Variants in ARHGAP25 observed in about 807,000 individuals in gnomAD.
ARHGAP25 encodes the protein rho GTPase-activating protein 25.
In ARHGAP25, 34 loss-of-function variants were observed where a neutral mutation model predicts 71.0. The observed-to-expected ratio is 0.48, with a 90% confidence interval of 0.36 to 0.64. ARHGAP25 has a LOEUF of 0.64. Among genes scored for constraint, ARHGAP25 ranks in the 30% least tolerant of loss-of-function variants. ARHGAP25 has a pLI of 0.00. For synonymous variants in ARHGAP25, 282 were observed against 296.5 expected (o/e 0.95, Z 0.50); for missense variants, 706 against 805.1 (o/e 0.88, Z 1.49).
In ARHGAP25 at chr2:68,790,474, G is replaced by T. The variant is rs111951689; in HGVS notation, c.466+2518G>T. Among the ~76,000 whole-genome samples the T allele has an allele frequency of 7.3e-3, 1,116 of 152,334 alleles. 6 individuals carry two copies. Among genetic ancestry groups the T allele is most frequent in the Admixed American group, 0.011 (169 of 15,304 alleles). Reference sequence around the variant, plus strand: ...GTGGGCCCAGGAGGTGAGGGGCAGGGCCAGGGCTCTTTTGCCACAGCACAT... The same window carrying T: ...GTGGGCCCAGGAGGTGAGGGGCAGGTCCAGGGCTCTTTTGCCACAGCACAT... On this transcript the variant is annotated intron_variant, in intron 4 of 10. Coordinates refer to ENST00000409202, the MANE Select transcript of ARHGAP25 (RefSeq NM_001007231.3).
intron 1 of ARHGAP25, among the ~76,000 whole-genome samples, chr2:68,743,574 A>G (rs1036062071): frequency 6.6e-6 from 1 of 152,180 alleles, no homozygotes; most frequent in Non-Finnish European, 1.5e-5. Context: ...GTCATTCAGA[A>G]GCCAGAAATC....
chr2:68,736,610 A>AT (rs990609260), intron 1 of ARHGAP25, among the ~76,000 whole-genome samples: 4 of 152,152 alleles, frequency 2.6e-5, no homozygotes, highest in Admixed American at 1.3e-4. Context: ...TAGTTAAATG[A>AT]TTTTTTTCAC....
intron 1 of ARHGAP25, among the ~76,000 whole-genome samples, chr2:68,743,158 ACT>A (rs1675606711): frequency 6.6e-6 from 1 of 151,884 alleles, no homozygotes. Flanking sequence ...GCAAAGAGTG[ACT>A]CTGGGTTGTT....
At chr2:68,788,749 T>A (rs1007947628) in intron 4 of ARHGAP25, among the ~76,000 whole-genome samples, 2 of 152,228 alleles carry the variant, frequency 1.3e-5, no homozygotes, top group Non-Finnish European at 2.9e-5. Context: ...CACGCCTACT[T>A]GTGTCAACTC....
intron 5 of ARHGAP25, among the ~76,000 whole-genome samples, chr2:68,808,194 C>T (rs1333825746): frequency 1.3e-5 from 2 of 152,168 alleles, no homozygotes; most frequent in Non-Finnish European, 2.9e-5. Flanking sequence ...TGTGCAATCT[C>T]CACCCCAGTT....
intron 1 of ARHGAP25, among the ~76,000 whole-genome samples, chr2:68,747,378 A>G (rs983878288): frequency 1.3e-5 from 2 of 152,102 alleles, no homozygotes; most frequent in African/African-American, 4.8e-5. Context: ...TTGATCAAAA[A>G]TTATTAAGAA....
chr2:68,724,361 A>G (rs1291611915), intron 2 of ARHGAP25, among the ~76,000 whole-genome samples: 8 of 152,092 alleles, frequency 5.3e-5, no homozygotes, highest in African/African-American at 1.9e-4. Flanking sequence ...ACCTAAATCT[A>G]TAATGTTTAT....
At chr2:68,717,836 A>C (rs185895238) in intron 2 of ARHGAP25, among the ~76,000 whole-genome samples, 34 of 152,264 alleles carry the variant, frequency 2.2e-4, no homozygotes, top group African/African-American at 7.9e-4. Flanking sequence ...GAATTGACAT[A>C]TTTTTGCCAA....
chr2:68,771,459 A>G (rs1167158817), intron 1 of ARHGAP25, among the ~76,000 whole-genome samples: 1 of 152,224 alleles, frequency 6.6e-6, no homozygotes, highest in African/African-American at 2.4e-5. Flanking sequence ...TGTTTACTTT[A>G]TCCGGAACAA....
At chr2:68,731,236 C>T (rs956365736), upstream of ARHGAP25, among the ~76,000 whole-genome samples, 7 of 152,032 alleles carry the variant, frequency 4.6e-5, no homozygotes, top group Non-Finnish European at 7.4e-5. Flanking sequence ...TCTCCTTGTT[C>T]CTCATTACCA....
At chr2:68,737,967 C>A (rs540883111) in intron 1 of ARHGAP25, among the ~76,000 whole-genome samples, 3 of 152,272 alleles carry the variant, frequency 2.0e-5, no homozygotes, top group Admixed American at 2.0e-4. Flanking sequence ...ATGGCAGACT[C>A]ACCTGAGTCC....
At position 68,815,544 on chromosome 2, in the gene ARHGAP25, G is replaced by T. The variant is rs112830420; in HGVS notation, c.808-745G>T. Among the ~76,000 whole-genome samples, 836 of 143,480 alleles carry T rather than the reference G, an allele frequency of 5.8e-3. 8 individuals carry two copies. Among genetic ancestry groups the T allele is most frequent in the African/African-American group, 0.02 (782 of 38,880 alleles). The allele number at this position is 143,480 out of a possible 152,430, so 94.1% of individuals were successfully genotyped here. A position where few individuals can be genotyped will look rare whatever the true frequency, so the allele number is the denominator to read the frequency against. ...CAGCTCACTGCAATCTCCGCCTTCC[G>T]GTTTCAAGCGATTCTTCTGCCTCAG... On this transcript the variant is annotated intron_variant, in intron 6 of 10. Coordinates refer to ENST00000409202, the MANE Select transcript of ARHGAP25 (RefSeq NM_001007231.3).
chr2:68,824,698 T>TGC (rs1681978423), intron 10 of ARHGAP25, among the ~76,000 whole-genome samples: 4 of 151,694 alleles, frequency 2.6e-5, no homozygotes, highest in East Asian at 1.9e-4. Flanking sequence ...GCCGAGATCA[T>TGC]GCCACTGCAC....
intron 2 of ARHGAP25, among the ~76,000 whole-genome samples, chr2:68,780,475 T>C (rs762254435): frequency 6.6e-6 from 1 of 152,216 alleles, no homozygotes; most frequent in Non-Finnish European, 1.5e-5. Context: ...ATGGATGTGA[T>C]TTATTAAAGA....
intron 4 of ARHGAP25, among the ~76,000 whole-genome samples, chr2:68,788,236 T>C (rs1213214060): frequency 6.6e-6 from 1 of 152,210 alleles, no homozygotes; most frequent in Non-Finnish European, 1.5e-5. Context: ...GTGTATGATA[T>C]CTGGAAGTAG....
chr2:68,818,075 G>T, intron 8 of ARHGAP25, 81 bp downstream of exon 8: 1 of 1,554,360 alleles, frequency 6.4e-7, no homozygotes, highest in Non-Finnish European at 8.8e-7. Context: ...GCACTGCTCT[G>T]TAGTTTCCCA....
chr2:68,719,541 T>G (rs905959035), intron 2 of ARHGAP25, among the ~76,000 whole-genome samples: 2 of 149,392 alleles, frequency 1.3e-5, no homozygotes. Context: ...AAAAAATAAC[T>G]TTTTTTTTTC....
At chr2:68,818,983 T>C in intron 8 of ARHGAP25, 140 bp from the exon 9 acceptor site, 2 of 651,196 alleles carry the variant, frequency 3.1e-6, no homozygotes, top group African/African-American at 1.8e-5. Flanking sequence ...TTAAAAAGGG[T>C]CTTTTGAGAA....
At chr2:68,786,300 C>T (rs1286309288) in intron 3 of ARHGAP25, among the ~76,000 whole-genome samples, 7 of 152,010 alleles carry the variant, frequency 4.6e-5, no homozygotes, top group South Asian at 2.1e-4. Flanking sequence ...GGAGACGGAG[C>T]GGGGAAAGAC....
Sources: allele counts gnomAD v4.1 joint callset (sites outside exome capture counted in the v4.1 genomes callset), GRCh38; gene constraint gnomAD v4.1.1; transcripts MANE v1.5; gene names NCBI Gene and HGNC (gene_info 2026-07-23, HGNC 2026-07-21).